Variants in CLIP2 observed in about 807,000 individuals in gnomAD.
CLIP2 encodes CAP-Gly domain-containing linker protein 2.
CLIP2 carries 41 observed loss-of-function variants against 111.7 expected under a neutral mutation model. The observed-to-expected ratio is 0.37, with a 90% CI of 0.29 to 0.48. CLIP2 has a LOEUF of 0.48. CLIP2 is among the 20% of genes least tolerant of loss of function. CLIP2 has a pLI of 0.99. For missense variants in CLIP2, 1,160 were observed against 1,422.1 expected, an observed-to-expected ratio of 0.82 and a Z score of 2.96; for synonymous variants, 660 against 644.2, an observed-to-expected ratio of 1.02 and a Z score of -0.37.
intron 11 of CLIP2, 68 bp from the exon 12 acceptor site, chr7:74,386,453 C>T: frequency 7.6e-7 from 1 of 1,320,336 alleles, no homozygotes; most frequent in Non-Finnish European, 1.1e-6. Context: ...GTGGGAGGGC[C>T]ATGGCCCTAC....
chr7:74,312,259 T>G (rs229876), intron 1 of CLIP2, among the ~76,000 whole-genome samples: 115,420 of 152,038 alleles, frequency 0.76, 43,884 homozygotes, highest in East Asian at 0.83. Context: ...ATAAATAAAA[T>G]AATGAAAGTT....
chr7:74,352,976 G>A (rs1357289512), intron 3 of CLIP2, among the ~76,000 whole-genome samples: 1 of 151,562 alleles, frequency 6.6e-6, no homozygotes, highest in Non-Finnish European at 1.5e-5. Flanking sequence ...GCAAGATCCT[G>A]TGTCTACAAA....
At chr7:74,396,836 CTTTAAA>C (rs1425401115) in intron 13 of CLIP2, among the ~76,000 whole-genome samples, 1 of 152,018 alleles carries the variant, frequency 6.6e-6, no homozygotes, top group African/African-American at 2.4e-5. Context: ...CCCACAACAA[CTTTAAA>C]AAGTACTCTA....
Position 74,310,036 on chromosome 7 carries a change from C to CAAAAAAAAAAAAAAAAAAA in CLIP2, c.-67-7420_-67-7402dup, listed in dbSNP as rs71094774. Among the ~76,000 whole-genome samples the CAAAAAAAAAAAAAAAAAAA allele has an allele frequency of 7.6e-5, 7 of 92,490 alleles. 1 individual carries two copies. Among genetic ancestry groups the CAAAAAAAAAAAAAAAAAAA allele is most frequent in the African/African-American group, 3.1e-4 (5 of 16,228 alleles). The allele number at this position is 92,490 out of a possible 152,430, so 60.7% of individuals were successfully genotyped here. On this transcript the variant is annotated intron_variant, in intron 1 of 16. Transcript: ENST00000223398. Reference sequence around the variant, plus strand: ...GCAATATGGCAAGACCCTGTCTCTACAAAAAAAAAAAAAAAAAAAAAAAAA... The same window carrying CAAAAAAAAAAAAAAAAAAA: ...GCAATATGGCAAGACCCTGTCTCTACAAAAAAAAAAAAAAAAAAAAAAAAAAAAAAAAAAAAAAAAAAAA...
intron 1 of CLIP2, among the ~76,000 whole-genome samples, chr7:74,299,295 A>G (rs375566183): frequency 3.4e-4 from 51 of 152,134 alleles, no homozygotes; most frequent in African/African-American, 1.2e-3. Flanking sequence ...ACTGCATTCT[A>G]GCCTGGGCAA....
chr7:74,299,976 C>T (rs2116454710), intron 1 of CLIP2, among the ~76,000 whole-genome samples: 1 of 151,970 alleles, frequency 6.6e-6, no homozygotes, highest in Non-Finnish European at 1.5e-5. Flanking sequence ...GGATTGCAGG[C>T]ATGAGCCACT....
chr7:74,360,205 C>T lies in CLIP2; in HGVS notation c.1246C>T (p.Arg416Ter), dbSNP rs1790287074. The T allele has an allele frequency of 1.9e-6, 3 of 1,607,522 alleles. No homozygotes were observed. The highest frequency in any genetic ancestry group is 1.7e-6 in the Non-Finnish European group (2 of 1,177,194). ...TGCAGAAGCCGAGGAGAAGCTGCAGCGAGCCCGGCTGCTCGTGGAGAGCGT... is the reference window on the plus strand; with the variant it reads ...TGCAGAAGCCGAGGAGAAGCTGCAGTGAGCCCGGCTGCTCGTGGAGAGCGT... ...YVAEAEEKLQ[R>*]ARLLVESVRK... Residue 416 changes from arginine (R) to a stop codon, truncating the protein, a stop_gained, in exon 7 of 17, where the codon CGA becomes TGA. Coordinates refer to ENST00000223398, the MANE Select transcript of CLIP2 (RefSeq NM_003388.5). LOFTEE classifies it high-confidence loss of function.
At chr7:74,396,764 G>T (rs1048465561) in intron 13 of CLIP2, among the ~76,000 whole-genome samples, 2 of 152,026 alleles carry the variant, frequency 1.3e-5, no homozygotes, top group Admixed American at 6.6e-5. Context: ...CAAATGATCC[G>T]CCCACCTCGG....
intron 13 of CLIP2, among the ~76,000 whole-genome samples, chr7:74,389,966 G>C (rs1216449325): frequency 1.3e-5 from 2 of 149,858 alleles, no homozygotes; most frequent in East Asian, 3.9e-4. Context: ...GTATGCACCA[G>C]TAGTCCTAGC....
intron 8 of CLIP2, among the ~76,000 whole-genome samples, chr7:74,371,322 C>T (rs1226311491): frequency 1.3e-5 from 2 of 148,606 alleles, no homozygotes; most frequent in Non-Finnish European, 3.0e-5. Flanking sequence ...CTTGAAATTG[C>T]GAAGCTGGAG....
chr7:74,382,471 ATTT>A (rs35499422), intron 11 of CLIP2, among the ~76,000 whole-genome samples: 2 of 129,176 alleles, frequency 1.5e-5, no homozygotes, highest in Non-Finnish European at 1.7e-5. Context: ...TGCCCTGCTA[ATTT>A]TTTTTTTTTT....
In CLIP2 at chr7:74,376,629, G is replaced by A. The variant is rs1471265615; in HGVS notation, c.2228G>A (p.Arg743Gln). ...HELEKLDVEY[R>Q]GQAQAIEFLK... ...CTGGAAAAACTGGACGTGGAGTACC[G>A]GGGCCAGGCGCAGGCTATCGAGTTC... The change falls in exon 10 of 17, where the codon CGG becomes CAG. Residue 743 changes from arginine (R) to glutamine (Q), a missense_variant. Transcript: ENST00000223398. The surrounding 1 kb of genome is among the most constrained non-coding windows in gnomAD (Gnocchi z 7.1). The A allele has an allele frequency of 6.2e-6, 10 of 1,613,252 alleles. No individual in the cohort carries two copies. The highest frequency in any genetic ancestry group is 8.5e-6 in the Non-Finnish European group (10 of 1,179,878).
chr7:74,385,075 A>G (rs1791047905), intron 11 of CLIP2, among the ~76,000 whole-genome samples: 1 of 145,150 alleles, frequency 6.9e-6, no homozygotes, highest in South Asian at 2.2e-4. Flanking sequence ...TCAAAAGTTC[A>G]TGTCCAGCCT....
At chr7:74,392,277 G>A (rs1267509670) in intron 13 of CLIP2, among the ~76,000 whole-genome samples, 2 of 151,574 alleles carry the variant, frequency 1.3e-5, no homozygotes, top group Non-Finnish European at 2.9e-5. Flanking sequence ...CGTGAACCTA[G>A]GAGGCGGAGC....
chr7:74,359,426 T>C (rs530223093), intron 6 of CLIP2, among the ~76,000 whole-genome samples: 19 of 149,404 alleles, frequency 1.3e-4, no homozygotes, highest in African/African-American at 4.7e-4. Flanking sequence ...TGATCTTGGC[T>C]CACTGCAAGC....
chr7:74,348,539 C>G (rs1227869121), intron 3 of CLIP2, among the ~76,000 whole-genome samples: 3 of 151,896 alleles, frequency 2.0e-5, no homozygotes, highest in Non-Finnish European at 2.9e-5. Context: ...CCTGTAATCC[C>G]AGCACTTTGG....
At chr7:74,312,802 T>A (rs1554728685) in intron 1 of CLIP2, among the ~76,000 whole-genome samples, 1 of 152,150 alleles carries the variant, frequency 6.6e-6, no homozygotes, top group Non-Finnish European at 1.5e-5. Context: ...TCGGCTCCAC[T>A]GCTGTGTGCC....
chr7:74,321,315 T>C (rs1239695212), intron 2 of CLIP2, among the ~76,000 whole-genome samples: 2 of 152,172 alleles, frequency 1.3e-5, no homozygotes, highest in Non-Finnish European at 2.9e-5. Context: ...ACCTCATCAC[T>C]GCACAGCCTA....
intron 4 of CLIP2, among the ~76,000 whole-genome samples, chr7:74,355,079 T>C (rs562600112): frequency 6.6e-6 from 1 of 152,302 alleles, no homozygotes; most frequent in African/African-American, 2.4e-5. Context: ...CCTGAGTCCC[T>C]GTGCAGTCCC....
Sources: allele counts gnomAD v4.1 joint callset (sites outside exome capture counted in the v4.1 genomes callset), GRCh38; gene constraint gnomAD v4.1.1; non-coding constraint Gnocchi (gnomAD v3.1); transcripts MANE v1.5; gene names NCBI Gene and HGNC (gene_info 2026-07-23, HGNC 2026-07-21).